TNS3: variants seen among roughly 807,000 people sequenced by gnomAD.
TNS3 encodes the protein tensin 3.
A neutral mutation model predicts 140.9 loss-of-function variants in TNS3; 45 were observed. The observed-to-expected ratio is 0.32, with a 90% CI of 0.25 to 0.41. The LOEUF is 0.41. Among genes scored for constraint, TNS3 ranks in the 10% least tolerant of loss-of-function variants. TNS3 has a pLI of 1.00. For synonymous variants in TNS3, 815 were observed against 788.4 expected, an observed-to-expected ratio of 1.03 and a Z score of -0.56; for missense variants, 1,716 against 1,906.7, an observed-to-expected ratio of 0.90 and a Z score of 1.86.
chr7:47,344,615 G>A, intron 20 of TNS3, 140 bp downstream of exon 20: 2 of 827,366 alleles, frequency 2.4e-6, no homozygotes. Flanking sequence ...TTCCCAGCAA[G>A]ATCCATCCTC....
chr7:47,400,990 G>A (rs911296179), intron 13 of TNS3, 76 bp from the exon 14 acceptor site: 8 of 1,586,668 alleles, frequency 5.0e-6, no homozygotes, highest in South Asian at 1.1e-5. Context: ...CACACTCCGC[G>A]GAGGCCGGCA....
chr7:47,491,306 G>A (rs933726805), intron 3 of TNS3, among the ~76,000 whole-genome samples: 11 of 152,150 alleles, frequency 7.2e-5, no homozygotes, highest in African/African-American at 2.2e-4. Flanking sequence ...GGACAGAACC[G>A]AAAAAGCTCT....
chr7:47,574,972 C>T (rs756019060), intron 1 of TNS3, among the ~76,000 whole-genome samples: 1 of 152,036 alleles, frequency 6.6e-6, no homozygotes, highest in African/African-American at 2.4e-5. Flanking sequence ...TTCTTAATGT[C>T]GCCTAACTGC....
rs759875153 is a variant in TNS3, at chr7:47,322,213, C to CAAAAAA, written c.2651-17216_2651-17211dup. Among the ~76,000 whole-genome samples the CAAAAAA allele has an allele frequency of 1.9e-3, 94 of 49,794 alleles. 1 individual carries two copies. The highest frequency in any genetic ancestry group is 2.6e-3 in the East Asian group (4 of 1,540). The allele number at this position is 49,794 out of a possible 152,430, so 32.7% of individuals were successfully genotyped here. On this transcript the variant is annotated intron_variant, in intron 20 of 30. Transcript: ENST00000311160. ...GCACATGAGAGTGAAGTAGAACGGG[C>CAAAAAA]AAAAAAAAAAAAAAAAAAAAAAAGC...
At chr7:47,307,504 G>C (rs1786827718) in intron 20 of TNS3, among the ~76,000 whole-genome samples, 1 of 152,178 alleles carries the variant, frequency 6.6e-6, no homozygotes, top group South Asian at 2.1e-4. Flanking sequence ...GGAATGGCTG[G>C]ACCATATGGT....
chr7:47,533,741 C>T (rs1295369932), intron 1 of TNS3, among the ~76,000 whole-genome samples: 3 of 151,966 alleles, frequency 2.0e-5, no homozygotes, highest in African/African-American at 7.3e-5. Context: ...GTGCTGTTCT[C>T]ATGATAATGA....
intron 2 of TNS3, among the ~76,000 whole-genome samples, chr7:47,518,180 T>C (rs1798841451): frequency 6.6e-6 from 1 of 152,068 alleles, no homozygotes; most frequent in South Asian, 2.1e-4. Context: ...AAAAGGGAAG[T>C]TAAACCCTCC....
intron 27 of TNS3, among the ~76,000 whole-genome samples, chr7:47,291,531 T>G (rs1785701371): frequency 6.6e-6 from 1 of 152,136 alleles, no homozygotes. Flanking sequence ...ACCTGCTCTG[T>G]CTGGCGAGCT....
intron 1 of TNS3, among the ~76,000 whole-genome samples, chr7:47,533,699 A>C (rs1799499244): frequency 6.6e-6 from 1 of 152,070 alleles, no homozygotes; most frequent in Non-Finnish European, 1.5e-5. Flanking sequence ...ACCCAGTGGG[A>C]GGTAACTGAA....
rs114589524 is a variant in TNS3 at position 47,557,220 on chromosome 7, A to T, written c.-265+24831T>A. 5.4e-3 allele frequency: 2,394 copies of T among 441,276 alleles called. 41 individuals are homozygous for T. The highest frequency in any genetic ancestry group is 0.043 in the African/African-American group (2,127 of 49,946). 27.3% of individuals were successfully genotyped at this position (441,276 alleles called of 1,614,324 possible). ...GTCTGGGAAAGTTTACAAGCGTCCT[A>T]CGTAAGGGAGAGGCTGACTTTTCGT... On this transcript the variant is annotated intron_variant, in intron 1 of 30. Coordinates refer to ENST00000311160, the MANE Select transcript of TNS3 (RefSeq NM_022748.12).
chr7:47,513,507 G>T (rs1037338084), intron 2 of TNS3, among the ~76,000 whole-genome samples: 1 of 152,226 alleles, frequency 6.6e-6, no homozygotes. Context: ...ATGAACAAAG[G>T]ATTTGAAAGG....
chr7:47,290,747 G>A (rs1305925861), intron 27 of TNS3, among the ~76,000 whole-genome samples: 1 of 152,118 alleles, frequency 6.6e-6, no homozygotes, highest in East Asian at 1.9e-4. Flanking sequence ...ATGCAAAATG[G>A]GACAGCCACA....
At chr7:47,303,833 C>A (rs901482898) in intron 21 of TNS3, among the ~76,000 whole-genome samples, 23 of 152,214 alleles carry the variant, frequency 1.5e-4, no homozygotes, top group African/African-American at 5.5e-4. Flanking sequence ...GGAGCCGCCC[C>A]ATGAAGGCCT....
chr7:47,473,315 C>G (rs906395342), intron 4 of TNS3, among the ~76,000 whole-genome samples: 9 of 152,338 alleles, frequency 5.9e-5, no homozygotes, highest in African/African-American at 2.2e-4. Flanking sequence ...ACTCTTCTCT[C>G]TGCTTCCTGG....
At chr7:47,452,469 T>A (rs1441069480) in intron 4 of TNS3, among the ~76,000 whole-genome samples, 1 of 152,248 alleles carries the variant, frequency 6.6e-6, no homozygotes, top group Non-Finnish European at 1.5e-5. Context: ...AGTCATCTTG[T>A]CATTTTACCT....
At chr7:47,454,757 C>G (rs1010450267) in intron 4 of TNS3, among the ~76,000 whole-genome samples, 1 of 152,154 alleles carries the variant, frequency 6.6e-6, no homozygotes, top group Non-Finnish European at 1.5e-5. Context: ...CAGGCAGCGG[C>G]CAGCCAGGCA....
In TNS3 at chr7:47,337,155, A is replaced by T. The variant is rs114870186; in HGVS notation, c.2650+7600T>A. ...CTACCCTTGATGTCCCTTCTTAATG[A>T]CTTTCCATCCACCAGATCCTTTTGC... On this transcript the variant is annotated intron_variant, in intron 20 of 30. Transcript: ENST00000311160. 4.3e-3 allele frequency among the ~76,000 whole-genome samples: 648 copies of T among 152,260 alleles called. 2 individuals are homozygous for T. The highest frequency in any genetic ancestry group is 0.015 in the African/African-American group (610 of 41,544).
chr7:47,279,702 CA>C (rs60620426), intron 30 of TNS3: 44,587 of 141,404 alleles, frequency 0.32, 6,306 homozygotes, highest in East Asian at 0.51. Context: ...AACTCTGTCT[CA>C]AAAAAAAAAA....
intron 16 of TNS3, among the ~76,000 whole-genome samples, chr7:47,385,815 C>T (rs1792042084): frequency 6.6e-6 from 1 of 152,158 alleles, no homozygotes; most frequent in South Asian, 2.1e-4. Context: ...AGTCAGGGGC[C>T]CAGCAGCATC....
Sources: gnomAD v4.1 joint callset for allele counts (sites outside exome capture counted in the v4.1 genomes callset) on GRCh38, gnomAD v4.1.1 for gene constraint, MANE v1.5 for transcripts, NCBI Gene and HGNC (gene_info 2026-07-23, HGNC 2026-07-21) for gene names.